The following POU2F1 variants were observed in gnomAD, a reference collection of about 807,000 sequenced individuals.
POU2F1 encodes POU class 2 homeobox 1.
Under a neutral mutation model 84.9 loss-of-function variants are expected in POU2F1, and 16 were observed. That is an observed-to-expected ratio of 0.19 (90% CI 0.13 to 0.29). The LOEUF (loss-of-function observed/expected upper bound fraction) is 0.29. Ranked by LOEUF, POU2F1 falls within the 10% of genes least tolerant of loss-of-function variation. The pLI, the probability that POU2F1 is intolerant of heterozygous loss-of-function variation, is 1.00. For missense variants in POU2F1, 738 were observed against 942.6 expected (o/e 0.78, Z 2.84); for synonymous variants, 368 against 368.3 (o/e 1.00, Z 0.01).
chr1:167,384,449 C>A (rs1341926132), intron 8 of POU2F1, among the ~76,000 whole-genome samples: 1 of 151,870 alleles, frequency 6.6e-6, no homozygotes, highest in Non-Finnish European at 1.5e-5. Flanking sequence ...AATTATAGAC[C>A]TGATTCCACT....
At chr1:167,283,337 A>G (rs778171784) in intron 1 of POU2F1, among the ~76,000 whole-genome samples, 3 of 152,258 alleles carry the variant, frequency 2.0e-5, no homozygotes, top group Non-Finnish European at 4.4e-5. Context: ...GAGTATGGAC[A>G]GAGAACATGG....
chr1:167,308,477 CTG>C (rs1031402970), intron 1 of POU2F1, among the ~76,000 whole-genome samples: 1 of 152,084 alleles, frequency 6.6e-6, no homozygotes, highest in African/African-American at 2.4e-5. Flanking sequence ...TATGGGGAAA[CTG>C]TAAATTTTCA....
At position 167,422,208 on chromosome 1, in the gene POU2F1, A is replaced by G. The variant is rs1650691408; in HGVS notation, c.*6398A>G. On this transcript the variant is annotated 3_prime_UTR_variant, in exon 16 of 16. Transcript: ENST00000367866. The stretch of plus-strand genomic sequence containing the variant: ...TTACCTCTGTACATAGCAAAAGCAT[A>G]GGCAAAGGATGAATGCGTGAATGCC... 6.6e-6 allele frequency: 1 copy of G among 152,252 alleles called. No homozygotes were observed. Among genetic ancestry groups the G allele is most frequent in the Non-Finnish European group, 1.5e-5 (1 of 68,044 alleles). 9.4% of individuals were successfully genotyped at this position (152,252 alleles called of 1,614,324 possible).
Position 167,423,121 on chromosome 1 carries a change from G to T in POU2F1, c.*7311G>T, listed in dbSNP as rs910389711. The T allele has an allele frequency of 1.3e-5, 2 of 152,124 alleles. No homozygotes were observed. Among genetic ancestry groups the T allele is most frequent in the African/African-American group, 4.8e-5 (2 of 41,424 alleles). 9.4% of individuals were successfully genotyped at this position (152,124 alleles called of 1,614,324 possible). On this transcript the variant is annotated 3_prime_UTR_variant, in exon 16 of 16. Transcript: ENST00000367866. ...TGAGTTCAGACAATATTTAGATGTG[G>T]TATCTCCATCTGTCTCCTGTAAAAG...
chr1:167,395,905 C>T (rs1648774918), intron 9 of POU2F1, among the ~76,000 whole-genome samples: 1 of 152,152 alleles, frequency 6.6e-6, no homozygotes, highest in South Asian at 2.1e-4. Context: ...TGTGCCCAGA[C>T]CAGATAAATA....
intron 1 of POU2F1, among the ~76,000 whole-genome samples, chr1:167,236,287 G>A (rs572726525): frequency 6.6e-6 from 1 of 151,972 alleles, no homozygotes; most frequent in Non-Finnish European, 1.5e-5. Flanking sequence ...ATTTTTAGTA[G>A]AGATGGAGTT....
intron 2 of POU2F1, among the ~76,000 whole-genome samples, chr1:167,354,386 G>A (rs1358856990): frequency 4.6e-5 from 7 of 152,048 alleles, no homozygotes; most frequent in Non-Finnish European, 4.4e-5. Context: ...CGGCCTCCCG[G>A]GTTCAAGCAA....
Position 167,380,545 on chromosome 1 carries a change from A to G in POU2F1, c.719-3312A>G, listed in dbSNP as rs567650335. Reference sequence around the variant, plus strand: ...TTCCATTTTCTAAGATTATTCAACAATGTAGAGGATCAGCGTAGTGGAAAT... The same window carrying G: ...TTCCATTTTCTAAGATTATTCAACAGTGTAGAGGATCAGCGTAGTGGAAAT... On this transcript the variant is annotated intron_variant, in intron 7 of 15. Coordinates refer to ENST00000367866, the MANE Select transcript of POU2F1 (RefSeq NM_002697.4). 5.9e-5 allele frequency: 9 copies of G among 152,310 alleles called. No individual in the cohort carries two copies. The East Asian group carries it at 1.7e-3, about 29-fold the overall frequency. 9.4% of individuals were successfully genotyped at this position (152,310 alleles called of 1,614,324 possible). A position where few individuals can be genotyped will look rare whatever the true frequency, so the allele number is the denominator to read the frequency against.
At position 167,423,772 on chromosome 1, in the gene POU2F1, G is replaced by A. The variant is rs1650787267; in HGVS notation, c.*7962G>A. ...TTTCTTTGTGTACTTGTTCATCATT[G>A]TATAAGTTAGCCACAGCTTCACAAG... On this transcript the variant is annotated 3_prime_UTR_variant, in exon 16 of 16. Transcript: ENST00000367866. 6.6e-6 allele frequency: 1 copy of A among 152,192 alleles called. No individual in the cohort carries two copies. Among genetic ancestry groups the A allele is most frequent in the Non-Finnish European group, 1.5e-5 (1 of 68,046 alleles). The allele number at this position is 152,192 out of a possible 1,614,324, so 9.4% of individuals were successfully genotyped here. A position where few individuals can be genotyped will look rare whatever the true frequency, so the allele number is the denominator to read the frequency against.
At chr1:167,267,467 T>C (rs1376651466) in intron 1 of POU2F1, among the ~76,000 whole-genome samples, 1 of 152,160 alleles carries the variant, frequency 6.6e-6, no homozygotes, top group Admixed American at 6.5e-5. Flanking sequence ...AGCAGTCCTT[T>C]GTATTAGTAC....
chr1:167,290,637 A>G (rs752718261), intron 1 of POU2F1, among the ~76,000 whole-genome samples: 10 of 152,342 alleles, frequency 6.6e-5, no homozygotes, highest in Non-Finnish European at 1.2e-4. Flanking sequence ...TAATCTCTCA[A>G]AATTGTTTGT....
intron 1 of POU2F1, among the ~76,000 whole-genome samples, chr1:167,236,523 G>C (rs74384844): frequency 1.9e-3 from 291 of 152,250 alleles, no homozygotes; most frequent in African/African-American, 6.7e-3. Context: ...GGCCGTTTCA[G>C]AATACTTGTA....
rs1047234468 is a variant in POU2F1, at chr1:167,348,361, T to G, written c.127+15826T>G. ...ACTGTATGTCTAGCAGTGAAGTTGC[T>G]GGGTCCACTTTTTGATGGTCCTTCA... On this transcript the variant is annotated intron_variant, in intron 2 of 15. Transcript: ENST00000367866. Among the ~76,000 whole-genome samples the G allele has an allele frequency of 2.0e-5, 3 of 152,218 alleles. No individual in the cohort carries two copies. The South Asian group carries it at 6.2e-4, about 31-fold the overall frequency.
At chr1:167,410,297 TA>T (rs1383893255) in intron 13 of POU2F1, among the ~76,000 whole-genome samples, 2 of 152,154 alleles carry the variant, frequency 1.3e-5, no homozygotes, top group African/African-American at 4.8e-5. Context: ...AGTGCTGAAA[TA>T]AATGATGTCT....
At chr1:167,284,471 T>G (rs1653380047) in intron 1 of POU2F1, among the ~76,000 whole-genome samples, 1 of 152,228 alleles carries the variant, frequency 6.6e-6, no homozygotes, top group Non-Finnish European at 1.5e-5. Flanking sequence ...CTCTTTCCAT[T>G]GCTACCTGAC....
chr1:167,411,156 T>C (rs572007636), intron 13 of POU2F1, among the ~76,000 whole-genome samples: 49 of 151,688 alleles, frequency 3.2e-4, no homozygotes, highest in African/African-American at 1.2e-3. Flanking sequence ...TCTCCTGCCT[T>C]AGCCTCCCGA....
At chr1:167,301,670 A>T (rs1390341519) in intron 1 of POU2F1, among the ~76,000 whole-genome samples, 1 of 152,178 alleles carries the variant, frequency 6.6e-6, no homozygotes, top group African/African-American at 2.4e-5. Context: ...AGAGCTTGTT[A>T]GTTTGTAACC....
chr1:167,296,394 A>G (rs990538979), intron 1 of POU2F1, among the ~76,000 whole-genome samples: 5 of 151,848 alleles, frequency 3.3e-5, no homozygotes, highest in African/African-American at 1.2e-4. Flanking sequence ...AATCTTTATC[A>G]TTTTCTCTGT....
chr1:167,338,294 GCTTA>G (rs777456323), intron 2 of POU2F1: 7 of 455,306 alleles, frequency 1.5e-5, no homozygotes, highest in South Asian at 9.3e-5. Flanking sequence ...ATTTTCTTTA[GCTTA>G]CTTTACTGTA....
Sources: gnomAD v4.1 joint callset for allele counts (sites outside exome capture counted in the v4.1 genomes callset) on GRCh38, gnomAD v4.1.1 for gene constraint, MANE v1.5 for transcripts, NCBI Gene and HGNC (gene_info 2026-07-23, HGNC 2026-07-21) for gene names.